Variants in CNTN4 observed in about 807,000 individuals in gnomAD.
CNTN4 encodes the protein contactin 4.
In CNTN4, 77 loss-of-function variants were observed where a neutral mutation model predicts 122.5. The observed-to-expected ratio is 0.63, with a 90% CI of 0.52 to 0.76. The LOEUF (loss-of-function observed/expected upper bound fraction) is 0.76, where lower values mean the gene tolerates loss of function less well. Among genes scored for constraint, CNTN4 ranks in the 30% least tolerant of loss-of-function variants. The pLI is 0.00. For missense variants in CNTN4, 1,256 were observed against 1,259.1 expected, an observed-to-expected ratio of 1.00 and a Z score of 0.04; for synonymous variants, 512 against 447.0, an observed-to-expected ratio of 1.15 and a Z score of -1.83.
At position 2,491,550 on chromosome 3, in the gene CNTN4, A is replaced by G. The variant is rs1006215708; in HGVS notation, c.-88-79866A>G. 3.3e-5 allele frequency among the ~76,000 whole-genome samples: 5 copies of G among 152,354 alleles called. No homozygotes were observed. In the South Asian group the frequency reaches 1.0e-3, roughly 32 times the overall value. ...ACTAGGAGAAGAAGTATTGTTGCAT[A>G]ATAAGAGATGTCTAATAAAAGAGAT... On this transcript the variant is annotated intron_variant, in intron 3 of 24. Transcript: ENST00000418658.
chr3:2,567,516 T>C (rs2079224727), intron 3 of CNTN4, among the ~76,000 whole-genome samples: 1 of 152,210 alleles, frequency 6.6e-6, no homozygotes, highest in Non-Finnish European at 1.5e-5. Flanking sequence ...TTAACAAAGA[T>C]AGCTATGACG....
intron 3 of CNTN4, among the ~76,000 whole-genome samples, chr3:2,514,283 G>C (rs147512648): frequency 6.6e-6 from 1 of 152,018 alleles, no homozygotes; most frequent in African/African-American, 2.4e-5. Flanking sequence ...TAACAGCTTA[G>C]GGCAGCCACT....
intron 6 of CNTN4, among the ~76,000 whole-genome samples, chr3:2,784,386 G>A (rs370341626): frequency 7.2e-5 from 11 of 152,256 alleles, no homozygotes; most frequent in South Asian, 4.2e-4. Context: ...CTCCACATCC[G>A]TTTGATCTTC....
chr3:2,288,115 T>A (rs1486448303), intron 2 of CNTN4, among the ~76,000 whole-genome samples: 1 of 152,214 alleles, frequency 6.6e-6, no homozygotes, highest in Non-Finnish European at 1.5e-5. Context: ...TGAAATAATC[T>A]GAAATGCATT....
intron 4 of CNTN4, among the ~76,000 whole-genome samples, chr3:2,595,613 G>A (rs367828257): frequency 3.9e-5 from 6 of 152,084 alleles, no homozygotes; most frequent in East Asian, 1.9e-4. Flanking sequence ...ACCCTCAGGC[G>A]CTGTGGGATA....
intron 4 of CNTN4, among the ~76,000 whole-genome samples, chr3:2,599,922 G>A (rs1189637774): frequency 6.7e-6 from 1 of 149,920 alleles, no homozygotes; most frequent in Non-Finnish European, 1.5e-5. Context: ...ATTGAAGTTT[G>A]GAGCTATCTG....
intron 5 of CNTN4, among the ~76,000 whole-genome samples, chr3:2,744,348 TAAG>T (rs79281562): frequency 0.08 from 12,253 of 152,314 alleles, 916 homozygotes; most frequent in Admixed American, 0.23. Context: ...AAGAATGTTA[TAAG>T]ATGATACACA....
intron 2 of CNTN4, among the ~76,000 whole-genome samples, chr3:2,111,649 A>G (rs181189767): frequency 6.6e-6 from 1 of 152,220 alleles, no homozygotes; most frequent in African/African-American, 2.4e-5. Context: ...TATATATACA[A>G]ATATATATTA....
chr3:2,667,063 G>A (rs561465893), intron 4 of CNTN4, among the ~76,000 whole-genome samples: 51 of 152,238 alleles, frequency 3.4e-4, no homozygotes, highest in African/African-American at 1.0e-3. Flanking sequence ...GTGTGCATGT[G>A]TCTTTATAGC....
At chr3:2,643,573 C>T (rs1209978476) in intron 4 of CNTN4, among the ~76,000 whole-genome samples, 2 of 152,022 alleles carry the variant, frequency 1.3e-5, no homozygotes, top group Admixed American at 6.6e-5. Flanking sequence ...CAAAACTGTG[C>T]GAGATGCTGA....
intron 12 of CNTN4, among the ~76,000 whole-genome samples, chr3:2,909,900 T>C (rs1224831796): frequency 6.6e-6 from 1 of 152,184 alleles, no homozygotes; most frequent in Non-Finnish European, 1.5e-5. Context: ...AGAACCACTA[T>C]CCTAAAATAG....
At chr3:2,980,895 A>G (rs531450548) in intron 13 of CNTN4, among the ~76,000 whole-genome samples, 3 of 152,140 alleles carry the variant, frequency 2.0e-5, no homozygotes, top group Admixed American at 6.5e-5. Context: ...CCACCCTAAT[A>G]TTATGCAAAT....
At chr3:2,378,665 C>G in intron 3 of CNTN4, among the ~76,000 whole-genome samples, 1 of 152,088 alleles carries the variant, frequency 6.6e-6, no homozygotes, top group South Asian at 2.1e-4. Flanking sequence ...TAATTTGTGT[C>G]TCTCATGAGA....
intron 3 of CNTN4, among the ~76,000 whole-genome samples, chr3:2,452,357 C>A (rs548408122): frequency 6.6e-6 from 1 of 152,126 alleles, no homozygotes; most frequent in Non-Finnish European, 1.5e-5. Flanking sequence ...ATGCATCATG[C>A]GAATTCACCG....
chr3:2,737,539 A>G (rs1057184928), intron 5 of CNTN4, among the ~76,000 whole-genome samples: 2 of 152,242 alleles, frequency 1.3e-5, no homozygotes, highest in Non-Finnish European at 2.9e-5. Context: ...TCATAACCAC[A>G]TATATTTAAC....
chr3:2,362,326 G>A (rs755752125), intron 3 of CNTN4: 42 of 254,998 alleles, frequency 1.6e-4, no homozygotes, highest in African/African-American at 4.1e-4. Context: ...CCAGGGCTGC[G>A]CGGCACACAT....
At chr3:2,247,940 C>G (rs547054888) in intron 2 of CNTN4, among the ~76,000 whole-genome samples, 4 of 152,014 alleles carry the variant, frequency 2.6e-5, no homozygotes, top group African/African-American at 9.6e-5. Flanking sequence ...CCCTCAGATA[C>G]CTACATGGCT....
Position 2,890,669 on chromosome 3 carries a change from C to G in CNTN4, c.940+3445C>G, listed in dbSNP as rs570317163. Among the ~76,000 whole-genome samples the G allele has an allele frequency of 2.0e-5, 3 of 152,300 alleles. No individual in the cohort carries two copies. In the East Asian group the frequency reaches 5.8e-4, roughly 29 times the overall value. ...AAGCCTACTAGGCATGATGATTGTT[C>G]CCAGTGTCTGAATAATGGAAGCCCT... is the stretch of plus-strand genomic sequence containing the variant. On this transcript the variant is annotated intron_variant, in intron 10 of 24. Coordinates refer to ENST00000418658, the MANE Select transcript of CNTN4 (RefSeq NM_175607.3).
intron 3 of CNTN4, among the ~76,000 whole-genome samples, chr3:2,435,379 A>G (rs2048223946): frequency 6.6e-6 from 1 of 152,146 alleles, no homozygotes; most frequent in South Asian, 2.1e-4. Flanking sequence ...TACCTAATAC[A>G]GTGTAATTCT....
Sources: gnomAD v4.1 joint callset for allele counts (sites outside exome capture counted in the v4.1 genomes callset) on GRCh38, gnomAD v4.1.1 for gene constraint, MANE v1.5 for transcripts, NCBI Gene and HGNC (gene_info 2026-07-23, HGNC 2026-07-21) for gene names.